The following ADAMTS20 variants were observed in gnomAD, a reference collection of about 807,000 sequenced individuals.
ADAMTS20 encodes the protein ADAM metallopeptidase with thrombospondin type 1 motif 20.
Under a neutral mutation model 260.1 loss-of-function variants are expected in ADAMTS20, and 225 were observed. The observed-to-expected ratio is 0.87, with a 90% confidence interval of 0.78 to 0.97. The LOEUF (loss-of-function observed/expected upper bound fraction) is 0.97. Among genes scored for constraint, ADAMTS20 ranks in the 50% least tolerant of loss-of-function variants. The pLI is 0.00. For missense variants in ADAMTS20, 2,400 were observed against 2,337.7 expected (o/e 1.03, Z -0.55); for synonymous variants, 802 against 769.5 (o/e 1.04, Z -0.70).
rs1250690843 is a variant in ADAMTS20 at position 43,551,760 on chromosome 12, C to G, written c.91+71G>C. 1.3e-6 allele frequency: 2 copies of G among 1,500,846 alleles called. No individual in the cohort carries two copies. Among genetic ancestry groups the G allele is most frequent in the Non-Finnish European group, 1.8e-6 (2 of 1,084,510 alleles). 93.0% of individuals were successfully genotyped at this position (1,500,846 alleles called of 1,614,324 possible). ...CCCAACGGGCTGAGCCGCTCGTCCCCGCGACCTGCATGTCCCACTCGGGCC... is the reference window on the plus strand; with the variant it reads ...CCCAACGGGCTGAGCCGCTCGTCCCGGCGACCTGCATGTCCCACTCGGGCC... On this transcript the variant is annotated intron_variant, in intron 1 of 38. Transcript: ENST00000389420. The surrounding 1 kb of genome is among the most constrained non-coding windows in gnomAD (Gnocchi z 4.6).
intron 28 of ADAMTS20, among the ~76,000 whole-genome samples, chr12:43,421,258 G>A (rs1343354955): frequency 8.6e-6 from 1 of 115,928 alleles, no homozygotes; most frequent in South Asian, 2.8e-4. Flanking sequence ...AGAATTTAGG[G>A]TTCAAGTAGC....
chr12:43,531,581 G>C lies in ADAMTS20; in HGVS notation c.613+455C>G, dbSNP rs146027139. ...CCTTATTTATATGTGGAATCTAAAA[G>C]AGTTGAACTCATAGATGTAAAGAGT... On this transcript the variant is annotated intron_variant, in intron 3 of 38. Coordinates refer to ENST00000389420, the MANE Select transcript of ADAMTS20 (RefSeq NM_025003.5). Among the ~76,000 whole-genome samples, 525 of 152,188 alleles carry C rather than the reference G, an allele frequency of 3.4e-3. 3 individuals carry two copies. The highest frequency in any genetic ancestry group is 6.0e-3 in the Non-Finnish European group (410 of 67,998).
intron 2 of ADAMTS20, among the ~76,000 whole-genome samples, chr12:43,542,917 C>T (rs866327152): frequency 1.3e-5 from 2 of 152,116 alleles, no homozygotes; most frequent in South Asian, 2.1e-4. Flanking sequence ...TCCTGAGACC[C>T]CATTTTAGAT....
chr12:43,418,023 G>C (rs908005246), intron 28 of ADAMTS20, among the ~76,000 whole-genome samples: 1 of 152,144 alleles, frequency 6.6e-6, no homozygotes, highest in East Asian at 1.9e-4. Context: ...CTGGTGGTTG[G>C]TTTATGTTTT....
At chr12:43,519,309 A>G (rs1020291402) in intron 3 of ADAMTS20, among the ~76,000 whole-genome samples, 1 of 152,166 alleles carries the variant, frequency 6.6e-6, no homozygotes, top group African/African-American at 2.4e-5. Flanking sequence ...GGAGCCACCC[A>G]TAACTACATG....
At chr12:43,444,001 T>A in intron 15 of ADAMTS20, 118 bp from the exon 16 acceptor site, 2 of 711,112 alleles carry the variant, frequency 2.8e-6, no homozygotes, top group Non-Finnish European at 4.8e-6. Context: ...GTTGTGTCTT[T>A]ACAAAATTAC....
At position 43,428,680 on chromosome 12, in the gene ADAMTS20, G is replaced by A. The variant is rs760807153; in HGVS notation, c.3609C>T (p.Asp1203=). ...GCCACTCTCCACAAGGGGTAAAACA[G>A]TCCCATATTTCAGCAGGTCGGGGTA... The part of the protein sequence containing the change: ...AHLPRPAEIW[D]CFTPCGEWQA... The change falls in exon 25 of 39, where the codon GAC becomes GAT. Residue 1203 remains aspartate (D), a synonymous_variant. Transcript: ENST00000389420. The A allele has an allele frequency of 8.7e-6, 14 of 1,610,666 alleles. No individual in the cohort carries two copies. Among genetic ancestry groups the A allele is most frequent in the Non-Finnish European group, 1.0e-5 (12 of 1,177,880 alleles).
In ADAMTS20 at chr12:43,428,793, C is replaced by T. The variant is rs538139197; in HGVS notation, c.3496G>A (p.Val1166Ile). ...GCTTGAGTACCTCTTCCACAAGATA[C>T]GGAGCACTTTTTAAGAAATCAAATT... ...WRHGSWTPCSVSCGRGTQARY... is the reference protein window; with the variant it reads ...WRHGSWTPCSISCGRGTQARY... The change falls in exon 25 of 39, where the codon GTA (valine) becomes ATA (isoleucine). Residue 1166 changes from valine (V) to isoleucine (I), a missense_variant. Transcript: ENST00000389420. The T allele has an allele frequency of 4.7e-5, 75 of 1,602,284 alleles. No individual in the cohort carries two copies. The highest frequency in any genetic ancestry group is 2.3e-4 in the South Asian group (21 of 89,456).
intron 29 of ADAMTS20, among the ~76,000 whole-genome samples, chr12:43,397,176 G>A (rs1940721435): frequency 6.6e-6 from 1 of 152,192 alleles, no homozygotes; most frequent in African/African-American, 2.4e-5. Context: ...TTAGATCACA[G>A]TATTCAAAGT....
intron 29 of ADAMTS20, among the ~76,000 whole-genome samples, chr12:43,388,298 G>T (rs1489052859): frequency 6.6e-6 from 1 of 152,118 alleles, no homozygotes; most frequent in Non-Finnish European, 1.5e-5. Flanking sequence ...CTGACCCCTT[G>T]TGCTTCCCAG....
At chr12:43,379,997 A>C (rs956290800) in intron 31 of ADAMTS20, among the ~76,000 whole-genome samples, 1 of 151,452 alleles carries the variant, frequency 6.6e-6, no homozygotes, top group Non-Finnish European at 1.5e-5. Context: ...AAAAAAAAAA[A>C]CTATAGACCA....
chr12:43,450,451 TTCA>T, intron 14 of ADAMTS20, among the ~76,000 whole-genome samples: 1 of 152,324 alleles, frequency 6.6e-6, no homozygotes, highest in East Asian at 1.9e-4. Context: ...TCAGATAATC[TTCA>T]TCATAACTTT....
chr12:43,502,033 T>G (rs1942773724), intron 4 of ADAMTS20, 119 bp downstream of exon 4: 2 of 946,120 alleles, frequency 2.1e-6, no homozygotes, highest in Non-Finnish European at 3.0e-6. Flanking sequence ...TATTTTTGGC[T>G]TAAACCTAGA....
At chr12:43,546,014 T>C (rs1001563725) in intron 2 of ADAMTS20, among the ~76,000 whole-genome samples, 1 of 152,188 alleles carries the variant, frequency 6.6e-6, no homozygotes, top group Non-Finnish European at 1.5e-5. Context: ...GAGGTTCTTA[T>C]TAGTTTTCTC....
intron 36 of ADAMTS20, among the ~76,000 whole-genome samples, chr12:43,369,757 C>A (rs1233224871): frequency 6.6e-6 from 1 of 152,048 alleles, no homozygotes; most frequent in East Asian, 1.9e-4. Flanking sequence ...AATGACAAAA[C>A]AATAAAATTG....
intron 29 of ADAMTS20, 101 bp downstream of exon 29, chr12:43,398,965 T>C: frequency 1.2e-6 from 1 of 825,066 alleles, no homozygotes; most frequent in Non-Finnish European, 1.6e-6. Context: ...TAACAATAAA[T>C]TTTAGAGAAG....
chr12:43,475,613 C>A (rs1288425858), intron 7 of ADAMTS20, among the ~76,000 whole-genome samples: 1 of 152,110 alleles, frequency 6.6e-6, no homozygotes, highest in Non-Finnish European at 1.5e-5. Context: ...GCTACAGTAA[C>A]CAAAACCGCA....
intron 3 of ADAMTS20, among the ~76,000 whole-genome samples, chr12:43,522,819 G>A (rs551860895): frequency 2.0e-5 from 3 of 152,164 alleles, no homozygotes; most frequent in African/African-American, 7.2e-5. Flanking sequence ...ATATCTATTT[G>A]AGAGCCTGAC....
intron 29 of ADAMTS20, among the ~76,000 whole-genome samples, chr12:43,387,961 C>T (rs372295976): frequency 7.9e-5 from 12 of 152,104 alleles, no homozygotes; most frequent in Non-Finnish European, 1.5e-4. Flanking sequence ...CTTAGCTTGC[C>T]GGACTCCATG....
Sources: allele counts gnomAD v4.1 joint callset (sites outside exome capture counted in the v4.1 genomes callset), GRCh38; gene constraint gnomAD v4.1.1; non-coding constraint Gnocchi (gnomAD v3.1); transcripts MANE v1.5; gene names NCBI Gene and HGNC (gene_info 2026-07-23, HGNC 2026-07-21).